ANKRD44: variants seen among roughly 807,000 people sequenced by gnomAD.
ANKRD44 encodes serine/threonine-protein phosphatase 6 regulatory ankyrin repeat subunit B.
Under a neutral mutation model 116.0 loss-of-function variants are expected in ANKRD44, and 35 were observed. The ratio of observed to expected loss-of-function variants is 0.30; its 90% CI spans 0.23 to 0.40. The LOEUF is 0.40. ANKRD44 is among the 10% of genes least tolerant of loss of function. The pLI is 1.00. For synonymous variants in ANKRD44, 435 were observed against 461.8 expected (o/e 0.94, Z 0.74); for missense variants, 1,014 against 1,242.6 (o/e 0.82, Z 2.77).
intron 1 of ANKRD44, among the ~76,000 whole-genome samples, chr2:197,276,926 A>ATTT (rs371691153): frequency 1.4e-4 from 19 of 136,004 alleles, no homozygotes; most frequent in African/African-American, 4.3e-4. Context: ...GAACCCAGGA[A>ATTT]TTTTTTTTTT....
At chr2:197,283,293 T>TA (rs2083317086) in intron 1 of ANKRD44, among the ~76,000 whole-genome samples, 1 of 152,228 alleles carries the variant, frequency 6.6e-6, no homozygotes, top group Non-Finnish European at 1.5e-5. Flanking sequence ...CCCATTATGA[T>TA]AAAATCCCCT....
At chr2:197,248,758 C>A (rs1336961727) in intron 1 of ANKRD44, among the ~76,000 whole-genome samples, 1 of 151,430 alleles carries the variant, frequency 6.6e-6, no homozygotes, top group Non-Finnish European at 1.5e-5. Flanking sequence ...TCTGGGGAGA[C>A]GAGGGGGAGG....
intron 1 of ANKRD44, among the ~76,000 whole-genome samples, chr2:197,189,664 T>G (rs2080775614): frequency 1.3e-5 from 2 of 152,266 alleles, no homozygotes; most frequent in African/African-American, 4.8e-5. Flanking sequence ...TCTGCCTTTT[T>G]GGACCTTAAA....
At chr2:197,193,830 C>T (rs2080883137) in intron 1 of ANKRD44, among the ~76,000 whole-genome samples, 1 of 151,994 alleles carries the variant, frequency 6.6e-6, no homozygotes, top group South Asian at 2.1e-4. Context: ...TGCAGTGAGC[C>T]GAGATCGCGC....
At chr2:197,130,279 T>C (rs1410525951) in intron 4 of ANKRD44, among the ~76,000 whole-genome samples, 1 of 152,244 alleles carries the variant, frequency 6.6e-6, no homozygotes, top group Non-Finnish European at 1.5e-5. Flanking sequence ...ATTTTAATTA[T>C]TATTACAGCA....
At chr2:196,995,143 G>C (rs1437867) in intron 26 of ANKRD44, 242,744 of 293,014 alleles carry the variant, frequency 0.83, 101,811 homozygotes, top group East Asian at 0.98. Flanking sequence ...CAAAGAAAAA[G>C]AGAGACTTCA....
At chr2:197,066,691 T>C (rs977357015) in intron 16 of ANKRD44, among the ~76,000 whole-genome samples, 13 of 150,466 alleles carry the variant, frequency 8.6e-5, no homozygotes, top group Admixed American at 1.3e-4. Flanking sequence ...CCATTCACAA[T>C]TGGAGAATAA....
chr2:197,290,370 CAT>C (rs1437465573), intron 1 of ANKRD44, among the ~76,000 whole-genome samples: 3 of 152,182 alleles, frequency 2.0e-5, no homozygotes, highest in Non-Finnish European at 2.9e-5. Context: ...AGCATTTTTT[CAT>C]ATGTTTGTGG....
At position 197,116,101 on chromosome 2, in the gene ANKRD44, C is replaced by T. The variant is rs187748545; in HGVS notation, c.906+5231G>A. ...TCCATTTGTGGAAGGGAAGAAGGGG[C>T]TGCAAAAACCAATGTATCACAGAAG... On this transcript the variant is annotated intron_variant, in intron 8 of 27. Transcript: ENST00000282272. Among the ~76,000 whole-genome samples the T allele has an allele frequency of 3.3e-5, 5 of 152,250 alleles. No individual in the cohort carries two copies. The East Asian group carries it at 7.7e-4, about 23-fold the overall frequency.
rs1001581545 is a variant in ANKRD44 at position 196,997,874 on chromosome 2, A to G, written c.2748+463T>C. 6.0e-5 allele frequency among the ~76,000 whole-genome samples: 9 copies of G among 149,880 alleles called. No homozygotes were observed. The East Asian group carries it at 1.7e-3, about 29-fold the overall frequency. ...AAAAAAGGGGGAAGGGTAGAAATACACATATATCTATTTATTTGCTTCACA... is the reference window on the plus strand; with the variant it reads ...AAAAAAGGGGGAAGGGTAGAAATACGCATATATCTATTTATTTGCTTCACA... On this transcript the variant is annotated intron_variant, in intron 25 of 27. Coordinates refer to ENST00000282272, the MANE Select transcript of ANKRD44 (RefSeq NM_001195144.2).
chr2:197,198,251 AAGAAATTTGAG>A (rs2081005992), intron 1 of ANKRD44, among the ~76,000 whole-genome samples: 1 of 152,158 alleles, frequency 6.6e-6, no homozygotes, highest in African/African-American at 2.4e-5. Flanking sequence ...ATACCAAGCT[AAGAAATTTGAG>A]CTCTCTTCTG....
chr2:197,241,733 T>C (rs1226317192), intron 1 of ANKRD44, among the ~76,000 whole-genome samples: 4 of 152,140 alleles, frequency 2.6e-5, no homozygotes. Flanking sequence ...TTAAGATTTA[T>C]TATATGCCTC....
Position 197,124,067 on chromosome 2 carries a change from C to T in ANKRD44, c.551-1275G>A, listed in dbSNP as rs901579833. 3.9e-5 allele frequency among the ~76,000 whole-genome samples: 6 copies of T among 152,258 alleles called. No individual in the cohort carries two copies. The South Asian group carries it at 6.2e-4, about 16-fold the overall frequency. On this transcript the variant is annotated intron_variant, in intron 6 of 27. Coordinates refer to ENST00000282272, the MANE Select transcript of ANKRD44 (RefSeq NM_001195144.2). ...TATCCACACTAGCTTAGTGTGTGTT[C>T]GGCCTACACAGCTGTCTCCCACAGT...
intron 16 of ANKRD44, among the ~76,000 whole-genome samples, chr2:197,037,082 T>C (rs2076821580): frequency 6.6e-6 from 1 of 152,312 alleles, no homozygotes; most frequent in East Asian, 1.9e-4. Context: ...ACTTAACAGA[T>C]GTAAAAAATA....
intron 1 of ANKRD44, among the ~76,000 whole-genome samples, chr2:197,226,113 T>C (rs924783800): frequency 2.6e-5 from 4 of 152,224 alleles, no homozygotes; most frequent in African/African-American, 9.6e-5. Context: ...ATCAGTGCTC[T>C]TCATTACAGT....
At chr2:197,100,806 A>C (rs1353114349) in intron 9 of ANKRD44, among the ~76,000 whole-genome samples, 1 of 152,202 alleles carries the variant, frequency 6.6e-6, no homozygotes, top group Non-Finnish European at 1.5e-5. Flanking sequence ...TACTTCTTTT[A>C]ATAATATAGT....
At chr2:197,209,871 T>G (rs981045225) in intron 1 of ANKRD44, among the ~76,000 whole-genome samples, 2 of 152,202 alleles carry the variant, frequency 1.3e-5, no homozygotes, top group African/African-American at 4.8e-5. Context: ...AGATGAGGGT[T>G]TAGCCTAACA....
chr2:197,013,357 G>C (rs75278296), intron 18 of ANKRD44, among the ~76,000 whole-genome samples, 154 bp downstream of exon 18: 1 of 152,268 alleles, frequency 6.6e-6, no homozygotes, highest in African/African-American at 2.4e-5. Context: ...GAGGATAGCA[G>C]GCCAAAAGCA....
intron 16 of ANKRD44, among the ~76,000 whole-genome samples, chr2:197,036,570 AAGGAGGGTGCT>A (rs2076811941): frequency 6.6e-6 from 1 of 152,184 alleles, no homozygotes; most frequent in East Asian, 1.9e-4. Context: ...AACACAAATT[AAGGAGGGTGCT>A]ACTGAAAGCT....
Sources: allele counts gnomAD v4.1 joint callset (sites outside exome capture counted in the v4.1 genomes callset), GRCh38; gene constraint gnomAD v4.1.1; transcripts MANE v1.5; gene names NCBI Gene and HGNC (gene_info 2026-07-23, HGNC 2026-07-21).